The following CTXN2 variants were observed in gnomAD, a reference collection of about 807,000 sequenced individuals.
The protein encoded by CTXN2 is cortexin 2.
In CTXN2, 3 loss-of-function variants were observed where a neutral mutation model predicts 5.7. The observed-to-expected ratio is 0.53, with a 90% confidence interval of 0.24 to 1.36. The LOEUF (loss-of-function observed/expected upper bound fraction) is 1.36. Ranked by LOEUF, CTXN2 falls within the 40% of genes most tolerant of loss-of-function variation. The pLI, the probability that CTXN2 is intolerant of heterozygous loss-of-function variation, is 0.17. For synonymous variants in CTXN2, 38 were observed against 36.4 expected (o/e 1.04, Z -0.16); for missense variants, 87 against 93.0 (o/e 0.94, Z 0.26).
chr15:48,191,699 G>GT lies in CTXN2; in HGVS notation c.-212_-211insT, dbSNP rs1567292801. 3 of 455,932 alleles carry GT rather than the reference G, an allele frequency of 6.6e-6. No homozygotes were observed. Among genetic ancestry groups the GT allele is most frequent in the Middle Eastern group, 6.5e-4 (2 of 3,070 alleles). The allele number at this position is 455,932 out of a possible 1,614,324, so 28.2% of individuals were successfully genotyped here. ...ACAGACACAGACATTTACACTTCTAGGCCAGGAAAGCGCTAACCAGGGCCC... is the reference window on the plus strand; with the variant it reads ...ACAGACACAGACATTTACACTTCTAGTGCCAGGAAAGCGCTAACCAGGGCCC... On this transcript the variant is annotated 5_prime_UTR_variant, in exon 1 of 2. Transcript: ENST00000417307.
At chr15:48,182,992 T>A (rs1248210703) in intron 1 of CTXN2, among the ~76,000 whole-genome samples, 1 of 152,230 alleles carries the variant, frequency 6.6e-6, no homozygotes, top group Non-Finnish European at 1.5e-5. Context: ...CAAAGTTACC[T>A]GCAGCCACTA....
chr15:48,190,857 TTTGCTTTGCTTTACC>T (rs1422281808), upstream of CTXN2: 2 of 152,268 alleles, frequency 1.3e-5, no homozygotes, highest in Non-Finnish European at 2.9e-5. Flanking sequence ...TTTCCTTTGC[TTTGCTTTGCTTTACC>T]TTGCTTTCAA....
rs910892521 is a variant in CTXN2, at chr15:48,179,405, T to TCA, written c.-455+1016_-455+1017dup. ...AAAAATACCAAGTTCAGCTACTTCA[T>TCA]CACACACACACATACACACACACAC... On this transcript the variant is annotated intron_variant, in intron 1 of 2. Coordinates refer to the CTXN2 transcript ENST00000644354. Among the ~76,000 whole-genome samples the TCA allele has an allele frequency of 6.9e-4, 31 of 45,010 alleles. No individual in the cohort carries two copies. In the Non-Finnish European group the frequency reaches 8.5e-3, roughly 12 times the overall value. The allele number at this position is 45,010 out of a possible 152,430, so 29.5% of individuals were successfully genotyped here. A position where few individuals can be genotyped will look rare whatever the true frequency, so the allele number is the denominator to read the frequency against.
intron 1 of CTXN2, among the ~76,000 whole-genome samples, chr15:48,196,712 T>G (rs1044973055): frequency 6.6e-6 from 1 of 152,112 alleles, no homozygotes; most frequent in South Asian, 2.1e-4. Context: ...ATTAAACTCA[T>G]GTTAACTTTT....
chr15:48,201,275 G>A lies in CTXN2; in HGVS notation c.-26G>A. On this transcript the variant is annotated 5_prime_UTR_variant, in exon 2 of 2. Transcript: ENST00000417307. ...AGTTGATTCCAGAAGGAACTGTGAA[G>A]AGCCACAACAATGTGCCAGTGAATA... 2 of 1,549,410 alleles carry A rather than the reference G, an allele frequency of 1.3e-6. No homozygotes were observed. The highest frequency in any genetic ancestry group is 2.4e-5 in the East Asian group (1 of 40,872).
intron 1 of CTXN2, among the ~76,000 whole-genome samples, chr15:48,200,516 C>T (rs912736327): frequency 6.6e-6 from 1 of 152,110 alleles, no homozygotes; most frequent in African/African-American, 2.4e-5. Context: ...TGCTGTTTAA[C>T]TTGGATTTTA....
At chr15:48,183,166 A>G (rs2040714930) in intron 1 of CTXN2, among the ~76,000 whole-genome samples, 1 of 152,256 alleles carries the variant, frequency 6.6e-6, no homozygotes, top group Non-Finnish European at 1.5e-5. Flanking sequence ...TCAATAGGTA[A>G]TATTTTGCAC....
intron 1 of CTXN2, among the ~76,000 whole-genome samples, chr15:48,200,356 A>G (rs1313184324): frequency 6.6e-6 from 1 of 152,178 alleles, no homozygotes; most frequent in Non-Finnish European, 1.5e-5. Context: ...CAAATGGGAA[A>G]AAAACCTATT....
intron 1 of CTXN2, among the ~76,000 whole-genome samples, chr15:48,196,576 C>A (rs933585202): frequency 6.6e-6 from 1 of 152,064 alleles, no homozygotes; most frequent in Non-Finnish European, 1.5e-5. Context: ...CTCATATCTT[C>A]CCCACAAAGA....
intron 1 of CTXN2, among the ~76,000 whole-genome samples, chr15:48,195,115 T>C (rs2040864450): frequency 6.6e-6 from 1 of 152,144 alleles, no homozygotes; most frequent in Admixed American, 6.6e-5. Flanking sequence ...AGTCCAGAAA[T>C]AAACTTGTCA....
chr15:48,194,193 A>T (rs1312092601), intron 1 of CTXN2, among the ~76,000 whole-genome samples: 2 of 150,478 alleles, frequency 1.3e-5, no homozygotes, highest in African/African-American at 5.0e-5. Context: ...TATTAATAAA[A>T]CATTTGTTCT....
At chr15:48,193,465 AT>A (rs796232730) in intron 1 of CTXN2, among the ~76,000 whole-genome samples, 5 of 151,816 alleles carry the variant, frequency 3.3e-5, no homozygotes, top group African/African-American at 4.8e-5. Flanking sequence ...TTGAAAGTTC[AT>A]TTTTTCTTAA....
intron 1 of CTXN2, among the ~76,000 whole-genome samples, chr15:48,182,946 T>C (rs1350813153): frequency 6.6e-6 from 1 of 152,206 alleles, no homozygotes; most frequent in African/African-American, 2.4e-5. Flanking sequence ...CAGAATCTGC[T>C]GACTTAACAT....
upstream of CTXN2, chr15:48,190,792 G>T (rs937167511): frequency 6.6e-6 from 1 of 152,146 alleles, no homozygotes; most frequent in Non-Finnish European, 1.5e-5. Context: ...TTGTTGAAAC[G>T]GCCAGACCCC....
chr15:48,203,533 A>C lies in CTXN2; in HGVS notation c.*1987A>C, dbSNP rs145283323. On this transcript the variant is annotated 3_prime_UTR_variant, in exon 2 of 2. Transcript: ENST00000417307. ...AGGCTTTTAAAGTACCAGATGTTTCATTTGTCTCCCAGAGAAGACACCCAC... is the reference window on the plus strand; with the variant it reads ...AGGCTTTTAAAGTACCAGATGTTTCCTTTGTCTCCCAGAGAAGACACCCAC... The C allele has an allele frequency of 6.0e-6, 1 of 167,104 alleles. No homozygotes were observed. Among genetic ancestry groups the C allele is most frequent in the East Asian group, 1.9e-4 (1 of 5,182 alleles). 10.4% of individuals were successfully genotyped at this position (167,104 alleles called of 1,614,324 possible).
intron 1 of CTXN2, 128 bp downstream of exon 1, chr15:48,191,981 G>C (rs372209228): frequency 5.0e-5 from 19 of 381,406 alleles, no homozygotes; most frequent in Middle Eastern, 9.0e-4. Context: ...AAAAGAGCGG[G>C]GGGTGGGGCG....
At chr15:48,181,011 G>A (rs1395979136) in intron 1 of CTXN2, among the ~76,000 whole-genome samples, 1 of 152,152 alleles carries the variant, frequency 6.6e-6, no homozygotes, top group Non-Finnish European at 1.5e-5. Context: ...ATGTTTATGT[G>A]TGTGTACCTG....
chr15:48,189,484 CTT>C (rs2040792811), upstream of CTXN2: 1 of 152,190 alleles, frequency 6.6e-6, no homozygotes, highest in Non-Finnish European at 1.5e-5. Context: ...AATCATGTAA[CTT>C]AGTTCTGCTC....
intron 1 of CTXN2, among the ~76,000 whole-genome samples, chr15:48,194,156 T>C (rs1356249208): frequency 2.0e-5 from 3 of 152,100 alleles, no homozygotes; most frequent in Non-Finnish European, 4.4e-5. Flanking sequence ...TTATGATAAA[T>C]ATAAAAGCCT....
Sources: allele counts gnomAD v4.1 joint callset (sites outside exome capture counted in the v4.1 genomes callset), GRCh38; gene constraint gnomAD v4.1.1; transcripts MANE v1.5; gene names NCBI Gene and HGNC (gene_info 2026-07-23, HGNC 2026-07-21).